The following KIF26B variants were observed in gnomAD, a reference collection of about 807,000 sequenced individuals.
KIF26B encodes the protein kinesin family member 26B.
A neutral mutation model predicts 151.2 loss-of-function variants in KIF26B; 63 were observed. The ratio of observed to expected loss-of-function variants is 0.42; its 90% confidence interval spans 0.34 to 0.51. The LOEUF (loss-of-function observed/expected upper bound fraction) is 0.51. Among genes scored for constraint, KIF26B ranks in the 20% least tolerant of loss-of-function variants. The pLI is 0.07. For synonymous variants in KIF26B, 1,357 were observed against 1,262.1 expected, an observed-to-expected ratio of 1.08 and a Z score of -1.59; for missense variants, 2,813 against 2,913.6, an observed-to-expected ratio of 0.97 and a Z score of 0.79.
At chr1:245,576,050 C>A (rs887879031) in intron 5 of KIF26B, among the ~76,000 whole-genome samples, 4 of 152,190 alleles carry the variant, frequency 2.6e-5, no homozygotes, top group Non-Finnish European at 5.9e-5. Context: ...AGTGTCTAAG[C>A]ATCAGGCTCT....
chr1:245,685,381 C>T (rs1300994764), intron 11 of KIF26B, 24 bp from the exon 12 acceptor site: 2 of 1,572,842 alleles, frequency 1.3e-6, no homozygotes, highest in African/African-American at 1.3e-5. Context: ...AAGGCCACCA[C>T]ATTAACTGCC....
At chr1:245,643,858 C>T (rs919343899) in intron 9 of KIF26B, among the ~76,000 whole-genome samples, 2 of 152,114 alleles carry the variant, frequency 1.3e-5, no homozygotes, top group Admixed American at 6.5e-5. Context: ...AGAAATCTGC[C>T]GTCATCCTTA....
At chr1:245,530,000 T>G (rs1409094614) in intron 4 of KIF26B, among the ~76,000 whole-genome samples, 1 of 152,044 alleles carries the variant, frequency 6.6e-6, no homozygotes, top group Non-Finnish European at 1.5e-5. Flanking sequence ...ATAATCCAAT[T>G]TAAAAATGGG....
At chr1:245,430,166 G>T (rs1658744460) in intron 4 of KIF26B, among the ~76,000 whole-genome samples, 1 of 152,030 alleles carries the variant, frequency 6.6e-6, no homozygotes, top group African/African-American at 2.4e-5. Flanking sequence ...TGAAGAGGGA[G>T]GATGGGGTGA....
intron 10 of KIF26B, among the ~76,000 whole-genome samples, chr1:245,669,818 T>C (rs2044261362): frequency 6.6e-6 from 1 of 152,138 alleles, no homozygotes; most frequent in African/African-American, 2.4e-5. Context: ...AGCAATTCCA[T>C]TCCTAGGTTA....
intron 2 of KIF26B, among the ~76,000 whole-genome samples, chr1:245,226,754 C>T (rs1290001080): frequency 6.6e-6 from 1 of 152,168 alleles, no homozygotes; most frequent in African/African-American, 2.4e-5. Context: ...TAAGCCACCG[C>T]ACCTGGCCAG....
intron 3 of KIF26B, among the ~76,000 whole-genome samples, chr1:245,409,683 C>T (rs1191386792): frequency 6.6e-6 from 1 of 152,194 alleles, no homozygotes; most frequent in Non-Finnish European, 1.5e-5. Flanking sequence ...ACGTCCAGCC[C>T]TGGGACATAA....
intron 4 of KIF26B, among the ~76,000 whole-genome samples, chr1:245,496,161 A>G (rs958495167): frequency 1.3e-5 from 2 of 152,230 alleles, no homozygotes; most frequent in African/African-American, 4.8e-5. Context: ...GTTCAAATGT[A>G]TTAAGAATAT....
Position 245,698,302 on chromosome 1 carries a change from C to T in KIF26B, c.6021C>T (p.Ala2007=). 2 of 1,613,102 alleles carry T rather than the reference C, an allele frequency of 1.2e-6. No individual in the cohort carries two copies. Among genetic ancestry groups the T allele is most frequent in the South Asian group, 2.2e-5 (2 of 91,036 alleles). Residue 2007 remains alanine, a synonymous_variant, in exon 13 of 15, where the codon GCC becomes GCT. Transcript: ENST00000407071. The surrounding 1 kb of genome is among the most constrained non-coding windows in gnomAD (Gnocchi z 4.0). ...GCCTGCAGCGGCGACGAGGGGGTGC[C>T]AGCAAGGTGAGGCAGCCTCCTTCCC... ...VERLQRRRGG[A]SKEAMCFNAK...
At chr1:245,550,336 C>T (rs1661849339) in intron 5 of KIF26B, among the ~76,000 whole-genome samples, 1 of 152,230 alleles carries the variant, frequency 6.6e-6, no homozygotes, top group South Asian at 2.1e-4. Flanking sequence ...TTTTCCAATG[C>T]TAGCTTCTTC....
At chr1:245,683,134 G>A (rs2044461538) in intron 10 of KIF26B, among the ~76,000 whole-genome samples, 1 of 152,144 alleles carries the variant, frequency 6.6e-6, no homozygotes, top group East Asian at 1.9e-4. Context: ...GTGTAAAATG[G>A]TCTGCTCTCT....
At chr1:245,683,287 G>A (rs2044463890) in intron 10 of KIF26B, among the ~76,000 whole-genome samples, 1 of 151,470 alleles carries the variant, frequency 6.6e-6, no homozygotes. Context: ...ATGGAGATAT[G>A]AGCACGCGGC....
chr1:245,426,773 T>A (rs998727355), intron 4 of KIF26B, among the ~76,000 whole-genome samples: 39 of 152,214 alleles, frequency 2.6e-4, no homozygotes, highest in African/African-American at 8.9e-4. Context: ...TAGTTCCCTG[T>A]GGGGCCTGCT....
chr1:245,679,024 C>T (rs1311252431), intron 10 of KIF26B, among the ~76,000 whole-genome samples: 1 of 152,108 alleles, frequency 6.6e-6, no homozygotes, highest in Non-Finnish European at 1.5e-5. Context: ...GCATTCTCTG[C>T]TTGGTGGTTC....
chr1:245,325,315 T>C (rs1671968113), intron 2 of KIF26B, among the ~76,000 whole-genome samples: 1 of 152,194 alleles, frequency 6.6e-6, no homozygotes, highest in African/African-American at 2.4e-5. Context: ...GTGTGGCATT[T>C]GTTCTCACTT....
At chr1:245,356,320 C>T (rs1240472439) in intron 2 of KIF26B, among the ~76,000 whole-genome samples, 1 of 152,160 alleles carries the variant, frequency 6.6e-6, no homozygotes, top group Non-Finnish European at 1.5e-5. Context: ...CTTTGGGAGG[C>T]TGAGGTGGGT....
chr1:245,502,002 C>T (rs984409694), intron 4 of KIF26B, among the ~76,000 whole-genome samples: 2 of 152,276 alleles, frequency 1.3e-5, no homozygotes, highest in East Asian at 1.9e-4. Context: ...ATGAAGGCGG[C>T]GTGCACTTCA....
At chr1:245,169,141 C>G (rs1668661943) in intron 2 of KIF26B, among the ~76,000 whole-genome samples, 1 of 152,122 alleles carries the variant, frequency 6.6e-6, no homozygotes, top group Non-Finnish European at 1.5e-5. Flanking sequence ...CCTCCCTCGT[C>G]CTTCCACCGA....
At chr1:245,510,107 T>G (rs192366229) in intron 4 of KIF26B, among the ~76,000 whole-genome samples, 4 of 152,132 alleles carry the variant, frequency 2.6e-5, no homozygotes, top group Non-Finnish European at 5.9e-5. Flanking sequence ...TCTTCTCTTT[T>G]GGGGGTTTCT....
Sources: allele counts gnomAD v4.1 joint callset (sites outside exome capture counted in the v4.1 genomes callset), GRCh38; gene constraint gnomAD v4.1.1; non-coding constraint Gnocchi (gnomAD v3.1); transcripts MANE v1.5; gene names NCBI Gene and HGNC (gene_info 2026-07-23, HGNC 2026-07-21).